The following TYK2 variants were observed in gnomAD, a reference collection of about 807,000 sequenced individuals.
The protein encoded by TYK2 is non-receptor tyrosine-protein kinase TYK2.
A neutral mutation model predicts 130.9 loss-of-function variants in TYK2; 65 were observed. The ratio of observed to expected loss-of-function variants is 0.50; its 90% CI spans 0.41 to 0.61. The LOEUF (loss-of-function observed/expected upper bound fraction) is 0.61, where lower values mean the gene tolerates loss of function less well. Among genes scored for constraint, TYK2 ranks in the 20% least tolerant of loss-of-function variants. TYK2 has a pLI of 0.00. For missense variants in TYK2, 1,378 were observed against 1,610.7 expected, an observed-to-expected ratio of 0.86 and a Z score of 2.47; for synonymous variants, 647 against 658.9, an observed-to-expected ratio of 0.98 and a Z score of 0.28.
chr19:10,361,652 C>T lies in TYK2; in HGVS notation c.1960-54G>A. The T allele has an allele frequency of 1.3e-6, 2 of 1,566,108 alleles. No individual in the cohort carries two copies. The highest frequency in any genetic ancestry group is 1.7e-6 in the Non-Finnish European group (2 of 1,158,934). On this transcript the variant is annotated intron_variant, in intron 13 of 24. Coordinates refer to ENST00000525621, the MANE Select transcript of TYK2 (RefSeq NM_003331.5). The surrounding 1 kb of genome is among the most constrained non-coding windows in gnomAD (Gnocchi z 4.0). ...GCAAAGCCGACCCCTCCCATCCCAC[C>T]TCCTCCACGGACACACCCCTCCCAT...
chr19:10,369,287 C>G (rs779746045), intron 3 of TYK2, among the ~76,000 whole-genome samples: 1 of 151,994 alleles, frequency 6.6e-6, no homozygotes, highest in Non-Finnish European at 1.5e-5. Context: ...CATCACAGGC[C>G]CCCCCTTAGA....
chr19:10,361,541 C>T lies in TYK2; in HGVS notation c.2017G>A (p.Val673Met), dbSNP rs528691386. 5.2e-6 allele frequency: 8 copies of T among 1,547,380 alleles called. No individual in the cohort carries two copies. Among genetic ancestry groups the T allele is most frequent in the African/African-American group, 2.7e-5 (2 of 73,080 alleles). Residue 673 changes from valine (V) to methionine (M), a missense_variant, in exon 14 of 25, where the codon GTG becomes ATG. Val to Met is a conservative substitution (Grantham distance 21). Transcript: ENST00000525621. This position sits in a 1 kb window ranked among gnomAD's most constrained non-coding sequence, Gnocchi z 4.0. Reference protein sequence around the residue: ...SQVSHTHLAFVHGVCVRGPEN... With the variant: ...SQVSHTHLAFMHGVCVRGPEN... The stretch of plus-strand genomic sequence containing the variant: ...GGGCCGCGCACACAGACGCCATGCA[C>T]GAAGGCCAGGTGCGTGTGGGAGACC...
intron 14 of TYK2, among the ~76,000 whole-genome samples, 192 bp from the exon 15 acceptor site, chr19:10,359,494 G>A (rs1448823561): frequency 3.3e-5 from 5 of 152,184 alleles, no homozygotes; most frequent in South Asian, 2.1e-4. Flanking sequence ...CAGAGGCAGC[G>A]GTGGATGAGG....
At chr19:10,375,999 CTTTCT>C (rs887064390) in intron 3 of TYK2, among the ~76,000 whole-genome samples, 8 of 149,468 alleles carry the variant, frequency 5.4e-5, no homozygotes, top group African/African-American at 1.9e-4. Context: ...GAGGGAAAGC[CTTTCT>C]TTCTTTTTTT....
In TYK2 at chr19:10,353,971, CG is replaced by C; in HGVS notation, c.2908+70del. ...CTAATTGGCTAGGCCAGACTGGCCC[CG>C]CCCACAAGGCCACACCCACGCTCTA... On this transcript the variant is annotated intron_variant, in intron 20 of 24. Coordinates refer to ENST00000525621, the MANE Select transcript of TYK2 (RefSeq NM_003331.5). The surrounding 1 kb of genome is among the most constrained non-coding windows in gnomAD (Gnocchi z 6.9). 6.6e-7 allele frequency: 1 copy of C among 1,512,578 alleles called. No homozygotes were observed. 93.7% of individuals were successfully genotyped at this position (1,512,578 alleles called of 1,614,324 possible). A position where few individuals can be genotyped will look rare whatever the true frequency, so the allele number is the denominator to read the frequency against.
At chr19:10,357,296 G>A (rs763399020) in intron 17 of TYK2, 27 of 583,444 alleles carry the variant, frequency 4.6e-5, no homozygotes, top group Admixed American at 9.0e-5. Flanking sequence ...GGCTGAGACA[G>A]GAGAATCGCT....
intron 7 of TYK2, 114 bp downstream of exon 7, chr19:10,365,403 C>T: frequency 6.6e-7 from 1 of 1,509,600 alleles, no homozygotes; most frequent in Non-Finnish European, 9.1e-7. Flanking sequence ...GCCCCAGAGC[C>T]ATGTGGGGAG....
intron 9 of TYK2, among the ~76,000 whole-genome samples, chr19:10,363,932 C>T (rs894384266): frequency 2.6e-5 from 4 of 152,186 alleles, no homozygotes; most frequent in African/African-American, 9.7e-5. Flanking sequence ...GTCACAGGGC[C>T]AGTGACCAGA....
chr19:10,369,405 T>C (rs749219204), intron 3 of TYK2, among the ~76,000 whole-genome samples: 3 of 151,960 alleles, frequency 2.0e-5, no homozygotes, highest in Non-Finnish European at 4.4e-5. Context: ...GCCACCCAGG[T>C]TGCAGTGCAG....
In TYK2 at chr19:10,353,960, C is replaced by G. The variant is rs2040946342; in HGVS notation, c.2908+82G>C. On this transcript the variant is annotated intron_variant, in intron 20 of 24. Transcript: ENST00000525621. The surrounding 1 kb of genome is among the most constrained non-coding windows in gnomAD (Gnocchi z 6.9). ...GTTGAGAGTCTCTAATTGGCTAGGCCAGACTGGCCCCGCCCACAAGGCCAC... is the reference window on the plus strand; with the variant it reads ...GTTGAGAGTCTCTAATTGGCTAGGCGAGACTGGCCCCGCCCACAAGGCCAC... 1 of 1,452,000 alleles carries G rather than the reference C, an allele frequency of 6.9e-7. No individual in the cohort carries two copies. The highest frequency in any genetic ancestry group is 1.2e-5 in the South Asian group (1 of 86,518). The allele number at this position is 1,452,000 out of a possible 1,614,324, so 89.9% of individuals were successfully genotyped here.
intron 3 of TYK2, among the ~76,000 whole-genome samples, chr19:10,374,743 C>T (rs886588527): frequency 2.4e-4 from 31 of 129,992 alleles, no homozygotes; most frequent in Middle Eastern, 6.0e-3. Context: ...ATTAGCTGGG[C>T]GTGGTGGCAG....
In TYK2 at chr19:10,364,966, G is replaced by A. The variant is rs373929549; in HGVS notation, c.1094C>T (p.Pro365Leu). ...CAGTGGCTCCCGCGGCCTGTCTGCCGGCTGGCCGACTGCCTTGTGAGCCTT... is the reference window on the plus strand; with the variant it reads ...CAGTGGCTCCCGCGGCCTGTCTGCCAGCTGGCCGACTGCCTTGTGAGCCTT... ...KAKAHKAVGQPADRPREPLWA... is the reference protein window; with the variant it reads ...KAKAHKAVGQLADRPREPLWA... The change falls in exon 8 of 25, where the codon CCG (proline) becomes CTG (leucine). Residue 365 changes from proline to leucine, a missense_variant. Transcript: ENST00000525621. The surrounding 1 kb of genome is among the most constrained non-coding windows in gnomAD (Gnocchi z 4.9). The A allele has an allele frequency of 1.7e-5, 28 of 1,613,966 alleles. No individual in the cohort carries two copies. The highest frequency in any genetic ancestry group is 1.7e-4 in the Admixed American group (10 of 60,012).
Position 10,357,761 on chromosome 19 carries a change from T to C in TYK2, c.2466+3A>G. 6.2e-7 allele frequency: 1 copy of C among 1,605,342 alleles called. No homozygotes were observed. Among genetic ancestry groups the C allele is most frequent in the Non-Finnish European group, 8.5e-7 (1 of 1,176,292 alleles). ...GGAGGGCCCAAGGGTCTCCTAGACA[T>C]ACCTCGGAGGGACTGCGGCTCTGCA... On this transcript the variant is annotated splice_donor_region_variant and intron_variant, in intron 17 of 24. Coordinates refer to ENST00000525621, the MANE Select transcript of TYK2 (RefSeq NM_003331.5).
At chr19:10,355,123 T>A (rs2041025270) in intron 18 of TYK2, among the ~76,000 whole-genome samples, 1 of 150,430 alleles carries the variant, frequency 6.6e-6, no homozygotes, top group East Asian at 2.0e-4. Context: ...CACAGATATT[T>A]CATAGAGAAA....
rs2041446212 is a variant in TYK2 at position 10,362,268 on chromosome 19, T to C, written c.1665A>G (p.Pro555=). 6.2e-7 allele frequency: 1 copy of C among 1,613,534 alleles called. No individual in the cohort carries two copies. Among genetic ancestry groups the C allele is most frequent in the Admixed American group, 1.7e-5 (1 of 59,992 alleles). The stretch of plus-strand genomic sequence containing the variant: ...GAGGTCCCCCTATCATCGTACCTCC[T>C]GGTTGGGGCAGGCAACAGCGACGCA... ...FSLRRCCLPQ[P]GETSNLIIMR... is the part of the protein sequence containing the mutation. The change falls in exon 11 of 25, where the codon CCA becomes CCG. Residue 555 remains proline, a synonymous_variant. Coordinates refer to ENST00000525621, the MANE Select transcript of TYK2 (RefSeq NM_003331.5).
chr19:10,354,625 T>G lies in TYK2; in HGVS notation c.2618-16A>C, dbSNP rs777207647. On this transcript the variant is annotated splice_polypyrimidine_tract_variant and intron_variant, in intron 18 of 24. Transcript: ENST00000525621. ...TCAGCAAGATCTGGAAGAGTTGCGGTGGGTAAAGGCCTGACCCCGATCCTT... is the reference window on the plus strand; with the variant it reads ...TCAGCAAGATCTGGAAGAGTTGCGGGGGGTAAAGGCCTGACCCCGATCCTT... 2 of 1,608,458 alleles carry G rather than the reference T, an allele frequency of 1.2e-6. No individual in the cohort carries two copies. The highest frequency in any genetic ancestry group is 1.7e-6 in the Non-Finnish European group (2 of 1,175,180).
intron 18 of TYK2, among the ~76,000 whole-genome samples, chr19:10,354,837 C>G (rs931117984): frequency 6.6e-6 from 1 of 151,676 alleles, no homozygotes; most frequent in Non-Finnish European, 1.5e-5. Context: ...ATCACTTGAG[C>G]CCGGGAGTTC....
chr19:10,377,815 T>G (rs1406541449), intron 3 of TYK2, among the ~76,000 whole-genome samples: 6 of 64,250 alleles, frequency 9.3e-5, no homozygotes, highest in African/African-American at 3.6e-4. Flanking sequence ...GATGAGTGGG[T>G]GGGTGGATGT....
intron 3 of TYK2, among the ~76,000 whole-genome samples, chr19:10,377,309 T>C (rs995485881): frequency 6.6e-6 from 1 of 150,868 alleles, no homozygotes; most frequent in African/African-American, 2.4e-5. Context: ...TACAAAATGT[T>C]CACCGAATGA....
Sources: allele counts gnomAD v4.1 joint callset (sites outside exome capture counted in the v4.1 genomes callset), GRCh38; gene constraint gnomAD v4.1.1; non-coding constraint Gnocchi (gnomAD v3.1); transcripts MANE v1.5; gene names NCBI Gene and HGNC (gene_info 2026-07-23, HGNC 2026-07-21).